Variants in C4orf54 observed in about 807,000 individuals in gnomAD.
C4orf54 encodes the protein uncharacterized protein C4orf54.
C4orf54 carries 67 observed loss-of-function variants against 80.1 expected under a neutral mutation model. The ratio of observed to expected loss-of-function variants is 0.84; its 90% CI spans 0.69 to 1.03. C4orf54 has a LOEUF of 1.03. C4orf54 is among the 50% of genes least tolerant of loss of function. The probability of loss-of-function intolerance (pLI) is 0.00; values close to 1 mark genes in which losing one functional copy is unlikely to be tolerated. For synonymous variants in C4orf54, 1,000 were observed against 917.0 expected, an observed-to-expected ratio of 1.09 and a Z score of -1.64; for missense variants, 2,434 against 2,253.5, an observed-to-expected ratio of 1.08 and a Z score of -1.62.
In C4orf54 at chr4:99,654,777, C is replaced by A. The variant is rs1939688298; in HGVS notation, c.-31-98G>T. The A allele has an allele frequency of 1.0e-5, 6 of 587,618 alleles. No individual in the cohort carries two copies. The South Asian group carries it at 1.3e-4, about 13-fold the overall frequency. 36.4% of individuals were successfully genotyped at this position (587,618 alleles called of 1,614,324 possible). ...CACACTTGAGGGTAGAAAGAAGAGGCTCTAATGAGATGAAAAGAGAAGGTT... is the reference window on the plus strand; with the variant it reads ...CACACTTGAGGGTAGAAAGAAGAGGATCTAATGAGATGAAAAGAGAAGGTT... On this transcript the variant is annotated intron_variant, in intron 1 of 2. Coordinates refer to ENST00000511828, the MANE Select transcript of C4orf54 (RefSeq NM_001354435.2).
rs1328058819 is a variant in C4orf54, at chr4:99,652,890, G to A, written c.1759C>T (p.Pro587Ser). ...QDHAKKFIAV[P>S]ARLQTRCGAI... The stretch of plus-strand genomic sequence containing the variant: ...CCGCACCTGGTTTGCAGGCGAGCAG[G>A]TACAGCAATGAATTTCTTTGCATGG... The change falls in exon 2 of 3, where the codon CCT becomes TCT. Residue 587 changes from proline (P) to serine (S), a missense_variant. Transcript: ENST00000511828. The A allele has an allele frequency of 1.8e-5, 28 of 1,536,036 alleles. No individual in the cohort carries two copies. Among genetic ancestry groups the A allele is most frequent in the Admixed American group, 3.9e-5 (2 of 50,988 alleles).
At position 99,637,556 on chromosome 4, in the gene C4orf54, A is replaced by G. The variant is rs1282010137; in HGVS notation, c.*3677T>C. 4 of 152,214 alleles carry G rather than the reference A, an allele frequency of 2.6e-5. No individual in the cohort carries two copies. Among genetic ancestry groups the G allele is most frequent in the African/African-American group, 7.2e-5 (3 of 41,458 alleles). The allele number at this position is 152,214 out of a possible 1,614,324, so 9.4% of individuals were successfully genotyped here. On this transcript the variant is annotated 3_prime_UTR_variant, in exon 3 of 3. Transcript: ENST00000511828. The stretch of plus-strand genomic sequence containing the variant: ...TAGGACCCAGAAGCTAGTTAAGAAT[A>G]TATAAGCAGTCTCTTGATAATATAT...
In C4orf54 at chr4:99,651,627, C is replaced by T. The variant is rs911889871; in HGVS notation, c.3022G>A (p.Ala1008Thr). ...GCCTGAGCAGCAGGGTACTTGGTGG[C>T]CTGCTTCCTCGGCTGCTTGTCCTTG... ...TPKDKQPRKQ[A>T]TKYPAAQATS... is the part of the protein sequence containing the mutation. Residue 1008 changes from alanine (A) to threonine (T), a missense_variant, in exon 2 of 3, where the codon GCC becomes ACC. Ala to Thr is a moderately conservative substitution (Grantham distance 58). Transcript: ENST00000511828. 3 of 1,536,008 alleles carry T rather than the reference C, an allele frequency of 2.0e-6. No homozygotes were observed. Among genetic ancestry groups the T allele is most frequent in the South Asian group, 1.2e-5 (1 of 84,062 alleles).
chr4:99,643,627 T>C (rs1339151862), intron 2 of C4orf54, among the ~76,000 whole-genome samples: 1 of 151,982 alleles, frequency 6.6e-6, no homozygotes, highest in Non-Finnish European at 1.5e-5. Context: ...GGACAGCTAG[T>C]TTTTTAATCA....
chr4:99,650,035 G>T lies in C4orf54; in HGVS notation c.4614C>A (p.Asn1538Lys), dbSNP rs560651906. ...SRPAWRTKPDNPRETVAAPPG... is the reference protein window; with the variant it reads ...SRPAWRTKPDKPRETVAAPPG... ...GGGGGGCAGCTACTGTCTCCCGGGG[G>T]TTGTCAGGTTTGGTACGCCAAGCTG... Residue 1538 changes from asparagine (N) to lysine (K), a missense_variant, in exon 2 of 3, where the codon AAC becomes AAA. By Grantham distance (94) the Asn-to-Lys change is moderately conservative. Transcript: ENST00000511828. The T allele has an allele frequency of 1.5e-4, 228 of 1,535,824 alleles. 1 individual carries two copies. The highest frequency in any genetic ancestry group is 1.2e-3 in the African/African-American group (89 of 73,068).
chr4:99,656,219 G>T (rs531625266), intron 1 of C4orf54, among the ~76,000 whole-genome samples: 1 of 151,688 alleles, frequency 6.6e-6, no homozygotes, highest in East Asian at 1.9e-4. Flanking sequence ...AAGAGCGAGA[G>T]AACTTGCTAA....
In C4orf54 at chr4:99,652,259, G is replaced by T. The variant is rs1271773244; in HGVS notation, c.2390C>A (p.Thr797Asn). ...CTTCTGGGGGCCATCGGCGCGGGAG[G>T]TGGGCTTGCTGCCCTCGGAGGTCTC... ...GSETSEGSKPTSRADGPQKSK... is the reference protein window; with the variant it reads ...GSETSEGSKPNSRADGPQKSK... Residue 797 changes from threonine (T) to asparagine (N), a missense_variant, in exon 2 of 3, where the codon ACC becomes AAC. Physicochemically the swap from Thr to Asn is moderately conservative, Grantham distance 65. Transcript: ENST00000511828. The T allele has an allele frequency of 3.9e-6, 6 of 1,535,904 alleles. No individual in the cohort carries two copies. Among genetic ancestry groups the T allele is most frequent in the Non-Finnish European group, 4.4e-6 (5 of 1,146,814 alleles).
chr4:99,645,937 T>C (rs1726693746), intron 2 of C4orf54, among the ~76,000 whole-genome samples: 1 of 152,152 alleles, frequency 6.6e-6, no homozygotes, highest in African/African-American at 2.4e-5. Flanking sequence ...AATAATATTA[T>C]CTTTTTAGAT....
chr4:99,636,592 CAAAAT>C lies in C4orf54; in HGVS notation c.*4636_*4640del, dbSNP rs1358930403. On this transcript the variant is annotated 3_prime_UTR_variant, in exon 3 of 3. Transcript: ENST00000511828. ...TAAAACATTTTTTTTCCAAAACAGT[CAAAAT>C]AAAAGACCATTACACAAGATTGCAC... is the stretch of plus-strand genomic sequence containing the variant. 2.0e-5 allele frequency: 3 copies of C among 151,668 alleles called. No homozygotes were observed. Among genetic ancestry groups the C allele is most frequent in the African/African-American group, 7.3e-5 (3 of 41,282 alleles). The allele number at this position is 151,668 out of a possible 1,614,324, so 9.4% of individuals were successfully genotyped here.
chr4:99,648,361 C>T (rs958785989), intron 2 of C4orf54, among the ~76,000 whole-genome samples: 1 of 152,104 alleles, frequency 6.6e-6, no homozygotes, highest in African/African-American at 2.4e-5. Context: ...CCCTGATTTC[C>T]TTTACCTAGG....
Position 99,653,512 on chromosome 4 carries a change from T to G in C4orf54, c.1137A>C (p.Glu379Asp). Reference protein sequence around the residue: ...TTHEIQLSEVEQDMDFDVGLA... With the variant: ...TTHEIQLSEVDQDMDFDVGLA... Reference sequence around the variant, plus strand: ...GTCCCACGTCGAAATCCATGTCCTGTTCCACCTCACTCAGCTGGATCTCAT... The same window carrying G: ...GTCCCACGTCGAAATCCATGTCCTGGTCCACCTCACTCAGCTGGATCTCAT... Residue 379 changes from glutamate (E) to aspartate (D), a missense_variant, in exon 2 of 3, where the codon GAA becomes GAC. Physicochemically the swap from Glu to Asp is conservative, Grantham distance 45 (BLOSUM62 2). Transcript: ENST00000511828. 1 of 1,536,148 alleles carries G rather than the reference T, an allele frequency of 6.5e-7. No homozygotes were observed. The highest frequency in any genetic ancestry group is 8.7e-7 in the Non-Finnish European group (1 of 1,146,906).
intron 2 of C4orf54, among the ~76,000 whole-genome samples, chr4:99,645,673 TA>T (rs757701143): frequency 6.6e-6 from 1 of 150,944 alleles, no homozygotes; most frequent in Non-Finnish European, 1.5e-5. Flanking sequence ...AACAGAAATC[TA>T]AAAAAAAATT....
chr4:99,637,679 C>T lies in C4orf54; in HGVS notation c.*3554G>A, dbSNP rs900750973. The T allele has an allele frequency of 6.6e-6, 1 of 152,100 alleles. No homozygotes were observed. The highest frequency in any genetic ancestry group is 2.4e-5 in the African/African-American group (1 of 41,430). 9.4% of individuals were successfully genotyped at this position (152,100 alleles called of 1,614,324 possible). On this transcript the variant is annotated 3_prime_UTR_variant, in exon 3 of 3. Coordinates refer to ENST00000511828, the MANE Select transcript of C4orf54 (RefSeq NM_001354435.2). The stretch of plus-strand genomic sequence containing the variant: ...AGCAGTTTTATCAAACAAACTTACA[C>T]AAAAAATTTCCCCCTCAACAGTACT...
chr4:99,653,299 G>C lies in C4orf54; in HGVS notation c.1350C>G (p.Ser450Arg), dbSNP rs1336991335. 5 of 1,531,006 alleles carry C rather than the reference G, an allele frequency of 3.3e-6. No individual in the cohort carries two copies. The highest frequency in any genetic ancestry group is 3.5e-6 in the Non-Finnish European group (4 of 1,143,518). 94.8% of individuals were successfully genotyped at this position (1,531,006 alleles called of 1,614,324 possible). A position where few individuals can be genotyped will look rare whatever the true frequency, so the allele number is the denominator to read the frequency against. Residue 450 changes from serine to arginine, a missense_variant, in exon 2 of 3, where the codon AGC (serine) becomes AGG (arginine). By Grantham distance (110) the Ser-to-Arg change is moderately radical. Transcript: ENST00000511828. ...GGCCTGCATTGGGGCGGGCCAGGTCGCTGCTTGTAGGGCTGGGCGTCCGGG... is the reference window on the plus strand; with the variant it reads ...GGCCTGCATTGGGGCGGGCCAGGTCCCTGCTTGTAGGGCTGGGCGTCCGGG... ...NTTRTPSPTSSDLARPNAGRS... is the reference protein window; with the variant it reads ...NTTRTPSPTSRDLARPNAGRS...
intron 2 of C4orf54, among the ~76,000 whole-genome samples, chr4:99,644,570 C>T (rs1451253669): frequency 3.3e-5 from 5 of 152,004 alleles, no homozygotes; most frequent in South Asian, 2.1e-4. Context: ...GAAAATAAAA[C>T]GTCTAGGTTA....
chr4:99,648,955 G>A (rs945749334), intron 2 of C4orf54, among the ~76,000 whole-genome samples: 3 of 152,102 alleles, frequency 2.0e-5, no homozygotes, highest in Non-Finnish European at 4.4e-5. Context: ...ACAGACCCAA[G>A]GTTCACTTCC....
At position 99,649,623 on chromosome 4, in the gene C4orf54, A is replaced by G; in HGVS notation, c.5026T>C (p.Tyr1676His). The change falls in exon 2 of 3, where the codon TAC becomes CAC. Residue 1676 changes from tyrosine (Y) to histidine (H), a missense_variant. By Grantham distance (83) the Tyr-to-His change is moderately conservative. Transcript: ENST00000511828. ...ALSPGAYGPT[Y>H]MIYPGFLPTV... ...GGCAGAAACCCAGGGTAAATCATGTAGGTGGGTCCATAAGCCCCAGGACTC... is the reference window on the plus strand; with the variant it reads ...GGCAGAAACCCAGGGTAAATCATGTGGGTGGGTCCATAAGCCCCAGGACTC... 6.5e-7 allele frequency: 1 copy of G among 1,536,158 alleles called. No individual in the cohort carries two copies. Among genetic ancestry groups the G allele is most frequent in the Non-Finnish European group, 8.7e-7 (1 of 1,146,898 alleles).
rs1726874958 is a variant in C4orf54 at position 99,652,780 on chromosome 4, C to T, written c.1869G>A (p.Val623=). The T allele has an allele frequency of 3.3e-6, 5 of 1,536,138 alleles. No homozygotes were observed. Among genetic ancestry groups the T allele is most frequent in the South Asian group, 1.2e-5 (1 of 84,058 alleles). ...GGAAGGCCCGGGAGGTCAGGTTACG[C>T]ACCTCTTTGTCCGCATCGTCCAGTT... ...VSELDDADKE[V]RNLTSRAFRS... Residue 623 remains valine (V), a synonymous_variant, in exon 2 of 3, where the codon GTG becomes GTA. Transcript: ENST00000511828.
chr4:99,657,299 G>T (rs1430343817), intron 1 of C4orf54, among the ~76,000 whole-genome samples, 196 bp downstream of exon 1: 1 of 152,234 alleles, frequency 6.6e-6, no homozygotes, highest in South Asian at 2.1e-4. Context: ...ACAGATTTCA[G>T]CTGAGTTTCT....
Sources: allele counts gnomAD v4.1 joint callset (sites outside exome capture counted in the v4.1 genomes callset), GRCh38; gene constraint gnomAD v4.1.1; transcripts MANE v1.5; gene names NCBI Gene and HGNC (gene_info 2026-07-23, HGNC 2026-07-21).